ARHGEF10L: variants seen among roughly 807,000 people sequenced by gnomAD.
The protein encoded by ARHGEF10L is Rho guanine nucleotide exchange factor 10 like.
In ARHGEF10L, 69 loss-of-function variants were observed where a neutral mutation model predicts 141.2. The ratio of observed to expected loss-of-function variants is 0.49; its 90% confidence interval spans 0.40 to 0.60. ARHGEF10L has a LOEUF of 0.60. ARHGEF10L is among the 20% of genes least tolerant of loss of function. ARHGEF10L has a pLI of 0.00. For missense variants in ARHGEF10L, 1,482 were observed against 1,734.3 expected (o/e 0.85, Z 2.58); for synonymous variants, 711 against 718.5 (o/e 0.99, Z 0.17).
At chr1:17,518,344 C>A in the ARHGEF10L span, among the ~76,000 whole-genome samples, 3 of 152,164 alleles carry the variant, frequency 2.0e-5, no homozygotes, top group Non-Finnish European at 2.9e-5. Flanking sequence ...GGTTGATTAC[C>A]TTTGAGACCC....
At chr1:17,624,354 C>A in intron 12 of ARHGEF10L, 33 bp from the exon 13 acceptor site, 1 of 1,547,082 alleles carries the variant, frequency 6.5e-7, no homozygotes, top group Non-Finnish European at 8.9e-7. Flanking sequence ...TGCATTGAGG[C>A]GGTCTCCCTG....
chr1:17,603,502 T>C lies in ARHGEF10L; in HGVS notation c.350-6T>C. The stretch of plus-strand genomic sequence containing the variant: ...GTGGTGCTCTCTCTCCCCACTTCCC[T>C]CCCAGTTGACCGGTTCACTTTCCCC... On this transcript the variant is annotated splice_polypyrimidine_tract_variant and splice_region_variant and intron_variant, in intron 5 of 28. Transcript: ENST00000361221. This position sits in a 1 kb window ranked among gnomAD's most constrained non-coding sequence, Gnocchi z 4.8. 6.2e-7 allele frequency: 1 copy of C among 1,612,420 alleles called. No homozygotes were observed. Among genetic ancestry groups the C allele is most frequent in the South Asian group, 1.1e-5 (1 of 90,626 alleles).
Position 17,653,629 on chromosome 1 carries a change from C to T in ARHGEF10L, c.2395-1007C>T, listed in dbSNP as rs1368334307. Among the ~76,000 whole-genome samples, 4 of 152,372 alleles carry T rather than the reference C, an allele frequency of 2.6e-5. No individual in the cohort carries two copies. The East Asian group carries it at 5.8e-4, about 22-fold the overall frequency. On this transcript the variant is annotated intron_variant, in intron 22 of 28. Coordinates refer to ENST00000361221, the MANE Select transcript of ARHGEF10L (RefSeq NM_018125.4). ...GCCCCCTGCTCTGAATGTGAGGACA[C>T]ACTTTTTCAGCAGGCAGAACTGGGG...
intron 27 of ARHGEF10L, among the ~76,000 whole-genome samples, chr1:17,692,343 C>T (rs756300232): frequency 1.3e-5 from 2 of 152,212 alleles, no homozygotes; most frequent in East Asian, 1.9e-4. Flanking sequence ...CGAATCCCAC[C>T]GCCTGCTTGA....
rs2062265371 is a variant in ARHGEF10L at position 17,656,496 on chromosome 1, A to G, written c.2706-58A>G. 1 of 1,565,080 alleles carries G rather than the reference A, an allele frequency of 6.4e-7. No individual in the cohort carries two copies. The highest frequency in any genetic ancestry group is 1.7e-5 in the Admixed American group (1 of 57,692). ...CCTCTCCCTAGGAGGGCATGGGGGC[A>G]GTGAGTGGGTGGGAGTGCTCAGTGT... is the stretch of plus-strand genomic sequence containing the variant. On this transcript the variant is annotated intron_variant, in intron 24 of 28. Transcript: ENST00000361221. The surrounding 1 kb of genome is among the most constrained non-coding windows in gnomAD (Gnocchi z 4.9).
At chr1:17,693,351 G>A (rs764736898) in intron 27 of ARHGEF10L, among the ~76,000 whole-genome samples, 1 of 152,178 alleles carries the variant, frequency 6.6e-6, no homozygotes, top group Admixed American at 6.5e-5. Context: ...CCTAGTGTGG[G>A]GTCTGCCATG....
chr1:17,558,725 A>G lies in ARHGEF10L; in HGVS notation c.-44+18775A>G, dbSNP rs1557705436. Among the ~76,000 whole-genome samples, 1 of 152,176 alleles carries G rather than the reference A, an allele frequency of 6.6e-6. No homozygotes were observed. The highest frequency in any genetic ancestry group is 1.5e-5 in the Non-Finnish European group (1 of 68,044). ...TCCCACGAGGTCTGGGCCTCAGTAG[A>G]TGCTTAGCCAACATGAGTTGTCAGT... On this transcript the variant is annotated intron_variant, in intron 1 of 28. Coordinates refer to ENST00000361221, the MANE Select transcript of ARHGEF10L (RefSeq NM_018125.4). This position sits in a 1 kb window ranked among gnomAD's most constrained non-coding sequence, Gnocchi z 4.2.
chr1:17,544,632 T>A (rs934413645), intron 1 of ARHGEF10L, among the ~76,000 whole-genome samples: 2 of 152,164 alleles, frequency 1.3e-5, no homozygotes, highest in African/African-American at 4.8e-5. Context: ...ATACTCAATT[T>A]TTTTCCTAAT....
At chr1:17,641,258 C>CGGAATAA (rs1251612641) in intron 21 of ARHGEF10L, among the ~76,000 whole-genome samples, 7 of 152,220 alleles carry the variant, frequency 4.6e-5, no homozygotes, top group Non-Finnish European at 8.8e-5. Context: ...CGATGCCAGC[C>CGGAATAA]AATAGCAGGA....
intron 11 of ARHGEF10L, among the ~76,000 whole-genome samples, chr1:17,622,702 G>A (rs764426735): frequency 1.3e-5 from 2 of 152,174 alleles, no homozygotes; most frequent in Non-Finnish European, 2.9e-5. Flanking sequence ...GACAGGCAGA[G>A]CTTCGCCCTC....
intron 26 of ARHGEF10L, among the ~76,000 whole-genome samples, chr1:17,686,853 GAA>G (rs201174836): frequency 6.5e-5 from 9 of 138,064 alleles, no homozygotes; most frequent in Non-Finnish European, 4.7e-5. Flanking sequence ...ATACTTGCAA[GAA>G]AAAAAAAAAA....
intron 26 of ARHGEF10L, among the ~76,000 whole-genome samples, chr1:17,665,874 G>A (rs753864867): frequency 1.3e-5 from 2 of 152,182 alleles, no homozygotes; most frequent in South Asian, 2.1e-4. Flanking sequence ...AGACCCAGGC[G>A]AGCTGCCGGC....
chr1:17,538,873 G>A (rs1006666765), upstream of ARHGEF10L, among the ~76,000 whole-genome samples: 52 of 152,214 alleles, frequency 3.4e-4, no homozygotes, highest in Admixed American at 9.2e-4. Flanking sequence ...GGGGTAGCGG[G>A]GGAGTGTTTA....
At chr1:17,581,096 C>T (rs1006275869) in intron 2 of ARHGEF10L, among the ~76,000 whole-genome samples, 1 of 151,990 alleles carries the variant, frequency 6.6e-6, no homozygotes, top group Non-Finnish European at 1.5e-5. Flanking sequence ...GGGCAGATCA[C>T]TTGAGGTCAC....
intron 2 of ARHGEF10L, among the ~76,000 whole-genome samples, chr1:17,586,544 C>T (rs533916556): frequency 7.2e-5 from 11 of 152,326 alleles, no homozygotes; most frequent in Admixed American, 7.2e-4. Context: ...GACTGGGGAA[C>T]CTCCATGTGG....
In ARHGEF10L at chr1:17,673,366, A is replaced by AG. The variant is rs1182987397; in HGVS notation, c.3009+8775dup. 6.6e-6 allele frequency among the ~76,000 whole-genome samples: 1 copy of AG among 152,054 alleles called. No homozygotes were observed. The highest frequency in any genetic ancestry group is 1.5e-5 in the Non-Finnish European group (1 of 67,998). On this transcript the variant is annotated intron_variant, in intron 26 of 28. Coordinates refer to ENST00000361221, the MANE Select transcript of ARHGEF10L (RefSeq NM_018125.4). The surrounding 1 kb of genome is among the most constrained non-coding windows in gnomAD (Gnocchi z 4.1). ...GGGAGAGGGGGAGGGCAGATGCCCA[A>AG]GGGGCAGCTGCCCAGTCCTTTTGGA...
At chr1:17,610,343 G>A (rs1008819310) in intron 7 of ARHGEF10L, among the ~76,000 whole-genome samples, 10 of 152,126 alleles carry the variant, frequency 6.6e-5, no homozygotes, top group Non-Finnish European at 7.4e-5. Flanking sequence ...TGGGACCTCT[G>A]GGGGCTGCCT....
intron 21 of ARHGEF10L, among the ~76,000 whole-genome samples, chr1:17,641,415 A>T (rs2061322503): frequency 6.6e-6 from 1 of 150,780 alleles, no homozygotes; most frequent in Non-Finnish European, 1.5e-5. Context: ...GTGGATCACA[A>T]GGTCAGGAGA....
intron 22 of ARHGEF10L, among the ~76,000 whole-genome samples, chr1:17,649,557 A>C (rs1284007209): frequency 1.3e-5 from 2 of 152,220 alleles, no homozygotes; most frequent in African/African-American, 2.4e-5. Context: ...TCCATTCTGC[A>C]TGCAATTTTC....
Sources: allele counts gnomAD v4.1 joint callset (sites outside exome capture counted in the v4.1 genomes callset), GRCh38; gene constraint gnomAD v4.1.1; non-coding constraint Gnocchi (gnomAD v3.1); transcripts MANE v1.5; gene names NCBI Gene and HGNC (gene_info 2026-07-23, HGNC 2026-07-21).